Variants in CMIP observed in about 807,000 individuals in gnomAD.
The protein encoded by CMIP is C-Maf-inducing protein.
In CMIP, 13 loss-of-function variants were observed where a neutral mutation model predicts 97.3. The observed-to-expected ratio is 0.13, with a 90% CI of 0.09 to 0.21. The LOEUF is 0.21. CMIP is among the 10% of genes least tolerant of loss of function. CMIP has a pLI of 1.00. For missense variants in CMIP, 847 were observed against 1,024.9 expected, an observed-to-expected ratio of 0.83 and a Z score of 2.37; for synonymous variants, 538 against 436.3, an observed-to-expected ratio of 1.23 and a Z score of -2.91.
chr16:81,636,681 G>A (rs2092240767), intron 3 of CMIP, among the ~76,000 whole-genome samples: 2 of 151,886 alleles, frequency 1.3e-5, no homozygotes, highest in South Asian at 2.1e-4. Context: ...GAAATCTTTG[G>A]AGAGTTTTTT....
chr16:81,565,790 C>G (rs1450576579), intron 1 of CMIP, among the ~76,000 whole-genome samples: 1 of 152,232 alleles, frequency 6.6e-6, no homozygotes, highest in East Asian at 1.9e-4. Context: ...CACTGATTGG[C>G]TTTCCTGTCT....
At chr16:81,615,507 C>T (rs1202963255) in intron 2 of CMIP, among the ~76,000 whole-genome samples, 2 of 94,480 alleles carry the variant, frequency 2.1e-5, no homozygotes, top group Non-Finnish European at 4.2e-5. Context: ...GTGTGTGTGT[C>T]TGTGTGCAGG....
intron 10 of CMIP, among the ~76,000 whole-genome samples, chr16:81,681,559 G>T (rs1009623074): frequency 3.9e-5 from 6 of 152,244 alleles, no homozygotes; most frequent in African/African-American, 1.4e-4. Context: ...AGACACCTCT[G>T]CGAGGTGAAC....
chr16:81,688,975 G>A (rs552729246), intron 10 of CMIP, among the ~76,000 whole-genome samples: 5 of 152,296 alleles, frequency 3.3e-5, no homozygotes, highest in Admixed American at 2.0e-4. Flanking sequence ...TGTCCCTACA[G>A]AGGACATGAA....
At chr16:81,591,718 C>T (rs181623079) in intron 1 of CMIP, among the ~76,000 whole-genome samples, 9 of 152,104 alleles carry the variant, frequency 5.9e-5, no homozygotes, top group African/African-American at 1.4e-4. Flanking sequence ...TGCTCCCCAT[C>T]TTGGCCTGGC....
intron 1 of CMIP, among the ~76,000 whole-genome samples, chr16:81,578,193 GTCACCA>G (rs1229472167): frequency 1.4e-5 from 2 of 147,680 alleles, no homozygotes; most frequent in Non-Finnish European, 3.0e-5. Context: ...TATTATCACT[GTCACCA>G]TCACCATCAT....
chr16:81,518,097 T>C (rs1343111550), intron 1 of CMIP: 1 of 163,858 alleles, frequency 6.1e-6, no homozygotes. Context: ...CTCACCCTTC[T>C]TCGGAAGGCT....
chr16:81,448,830 G>T (rs1030394435), intron 1 of CMIP, among the ~76,000 whole-genome samples: 5 of 152,376 alleles, frequency 3.3e-5, no homozygotes, highest in Admixed American at 1.3e-4. Flanking sequence ...CCTTTGTGGG[G>T]AAGGGCCTGT....
chr16:81,529,878 G>A (rs1053502371), intron 1 of CMIP, among the ~76,000 whole-genome samples: 4 of 152,224 alleles, frequency 2.6e-5, no homozygotes, highest in Non-Finnish European at 4.4e-5. Context: ...TTGTGAGGCC[G>A]TGTTGGGCTC....
intron 1 of CMIP, among the ~76,000 whole-genome samples, chr16:81,447,080 A>G (rs1023841059): frequency 2.0e-5 from 3 of 152,002 alleles, no homozygotes; most frequent in African/African-American, 7.3e-5. Flanking sequence ...TTGGCTTTCC[A>G]ATGGATGGAG....
intron 10 of CMIP, among the ~76,000 whole-genome samples, chr16:81,682,426 G>A (rs368801293): frequency 2.2e-4 from 34 of 152,254 alleles, no homozygotes; most frequent in African/African-American, 7.7e-4. Context: ...TTAGCCTGGC[G>A]TGGTGGCACA....
At chr16:81,607,750 C>T (rs1393380284) in intron 2 of CMIP, 58 bp downstream of exon 2, 4 of 1,576,372 alleles carry the variant, frequency 2.5e-6, no homozygotes, top group Admixed American at 1.7e-5. Context: ...TGCACTTGTG[C>T]CCCTCGTTTC....
chr16:81,477,279 T>C (rs899909606), intron 1 of CMIP, among the ~76,000 whole-genome samples: 13 of 152,120 alleles, frequency 8.5e-5, no homozygotes, highest in African/African-American at 3.1e-4. Context: ...CCCAGCTTCC[T>C]GAGTAGCGGG....
chr16:81,475,789 TC>T (rs1233939464), intron 1 of CMIP, among the ~76,000 whole-genome samples: 1 of 152,080 alleles, frequency 6.6e-6, no homozygotes, highest in African/African-American at 2.4e-5. Context: ...ATCAGGACCA[TC>T]CTGGCTAACA....
At chr16:81,620,589 CAGTTAAAGCTCTCA>C in intron 2 of CMIP, 1 of 356,908 alleles carries the variant, frequency 2.8e-6, no homozygotes, top group Non-Finnish European at 5.3e-6. Context: ...GCTGTGTGTG[CAGTTAAAGCTCTCA>C]AGTCAGCAGT....
rs188132671 is a variant in CMIP at position 81,556,389 on chromosome 16, A to G, written c.301-51178A>G. Among the ~76,000 whole-genome samples, 370 of 152,282 alleles carry G rather than the reference A, an allele frequency of 2.4e-3. 2 individuals are homozygous for G. Among genetic ancestry groups the G allele is most frequent in the Non-Finnish European group, 3.4e-3 (234 of 68,030 alleles). On this transcript the variant is annotated intron_variant, in intron 1 of 20. Coordinates refer to ENST00000537098, the MANE Select transcript of CMIP (RefSeq NM_198390.3). ...AAGTCCCTATTTTTAATTCTTCTGC[A>G]TATATAGCTAGGAGTAAAATTGATG...
chr16:81,458,190 T>C (rs937687581), intron 1 of CMIP, among the ~76,000 whole-genome samples: 9 of 152,142 alleles, frequency 5.9e-5, no homozygotes, highest in African/African-American at 2.2e-4. Context: ...TTCTCACCTC[T>C]TCTAAAGAGG....
At chr16:81,465,292 T>C (rs1423349999) in intron 1 of CMIP, among the ~76,000 whole-genome samples, 2 of 152,244 alleles carry the variant, frequency 1.3e-5, no homozygotes, top group Non-Finnish European at 2.9e-5. Context: ...CTGGACAGTC[T>C]TTGGTGTTGT....
intron 10 of CMIP, among the ~76,000 whole-genome samples, chr16:81,679,068 G>A (rs1357674558): frequency 2.0e-5 from 3 of 152,234 alleles, no homozygotes; most frequent in Non-Finnish European, 4.4e-5. Context: ...GGGTGCCCAA[G>A]TGTGTCTTTG....
Sources: gnomAD v4.1 joint callset for allele counts (sites outside exome capture counted in the v4.1 genomes callset) on GRCh38, gnomAD v4.1.1 for gene constraint, MANE v1.5 for transcripts, NCBI Gene and HGNC (gene_info 2026-07-23, HGNC 2026-07-21) for gene names.